Variants in RAB11FIP3 observed in about 807,000 individuals in gnomAD.
RAB11FIP3 encodes the protein rab11 family-interacting protein 3.
Under a neutral mutation model 77.8 loss-of-function variants are expected in RAB11FIP3, and 17 were observed. The observed-to-expected ratio is 0.22, with a 90% confidence interval of 0.15 to 0.33. The LOEUF (loss-of-function observed/expected upper bound fraction) is 0.33. Ranked by LOEUF, RAB11FIP3 falls within the 10% of genes least tolerant of loss-of-function variation. The pLI is 1.00. For missense variants in RAB11FIP3, 1,005 were observed against 1,011.2 expected (o/e 0.99, Z 0.08); for synonymous variants, 437 against 448.2 (o/e 0.98, Z 0.31).
intron 1 of RAB11FIP3, among the ~76,000 whole-genome samples, chr16:457,218 T>C (rs2055518792): frequency 6.6e-6 from 1 of 152,062 alleles, no homozygotes; most frequent in Non-Finnish European, 1.5e-5. Context: ...GGGATCCTAG[T>C]TGACTGTGGT....
chr16:426,001 G>C lies in RAB11FIP3; in HGVS notation c.-6G>C, dbSNP rs1187987547. On this transcript the variant is annotated 5_prime_UTR_variant, in exon 1 of 14. Transcript: ENST00000262305. This position sits in a 1 kb window ranked among gnomAD's most constrained non-coding sequence, Gnocchi z 5.0. ...CGCCCTTCCGCACCACTAGCCTCTC[G>C]GGAGCATGGCGTCGGCCCCGCCGGC... 1 of 985,304 alleles carries C rather than the reference G, an allele frequency of 1.0e-6. No homozygotes were observed. Among genetic ancestry groups the C allele is most frequent in the Admixed American group, 6.2e-5 (1 of 16,128 alleles). The allele number at this position is 985,304 out of a possible 1,614,324, so 61.0% of individuals were successfully genotyped here. A position where few individuals can be genotyped will look rare whatever the true frequency, so the allele number is the denominator to read the frequency against.
chr16:461,128 T>C lies in RAB11FIP3; in HGVS notation c.715-276T>C, dbSNP rs530308209. 1.3e-5 allele frequency among the ~76,000 whole-genome samples: 2 copies of C among 152,314 alleles called. No individual in the cohort carries two copies. Among genetic ancestry groups the C allele is most frequent in the African/African-American group, 4.8e-5 (2 of 41,580 alleles). ...CGTTGGGGTGGTTTCAGGATGATAC[T>C]GTTCAGATCATCCGGCGTTAGAGTC... is the stretch of plus-strand genomic sequence containing the variant. On this transcript the variant is annotated intron_variant, in intron 1 of 13. Transcript: ENST00000262305. The surrounding 1 kb of genome is among the most constrained non-coding windows in gnomAD (Gnocchi z 4.5).
intron 1 of RAB11FIP3, among the ~76,000 whole-genome samples, chr16:437,536 C>T (rs2055150013): frequency 6.9e-6 from 1 of 145,160 alleles, no homozygotes; most frequent in Non-Finnish European, 1.5e-5. Flanking sequence ...TGCCATTGCG[C>T]TCCAGCCTGG....
chr16:515,094 G>A (rs964136398), intron 9 of RAB11FIP3, among the ~76,000 whole-genome samples: 2 of 152,202 alleles, frequency 1.3e-5, no homozygotes, highest in African/African-American at 2.4e-5. Context: ...GATGGACAGC[G>A]AGAGGCTGGG....
chr16:500,697 A>G (rs2031455763), intron 6 of RAB11FIP3, among the ~76,000 whole-genome samples: 1 of 148,764 alleles, frequency 6.7e-6, no homozygotes, highest in Admixed American at 6.7e-5. Context: ...CAAAAAAAAA[A>G]AAAAAAAAAA....
chr16:519,923 T>G (rs377074145), intron 11 of RAB11FIP3, 32 bp downstream of exon 11: 42 of 1,549,850 alleles, frequency 2.7e-5, no homozygotes, highest in Non-Finnish European at 3.4e-5. Context: ...CGCCCAGTCC[T>G]GCGCCCAGCC....
chr16:492,869 A>C (rs2030712925), intron 5 of RAB11FIP3, among the ~76,000 whole-genome samples: 2 of 152,286 alleles, frequency 1.3e-5, no homozygotes, highest in South Asian at 4.1e-4. Context: ...TTGTGGGGGC[A>C]GAGAAGGGAC....
intron 5 of RAB11FIP3, among the ~76,000 whole-genome samples, chr16:495,520 G>A (rs1336870535): frequency 1.3e-5 from 2 of 152,210 alleles, no homozygotes; most frequent in Non-Finnish European, 2.9e-5. Context: ...AGTAGGTACT[G>A]GGGAGACTGC....
intron 2 of RAB11FIP3, among the ~76,000 whole-genome samples, chr16:464,552 G>A (rs893189509): frequency 9.2e-5 from 14 of 152,268 alleles, no homozygotes; most frequent in African/African-American, 1.9e-4. Context: ...CTGATTCACC[G>A]GTTAGCTCTG....
At chr16:468,744 C>T (rs1447447473) in intron 2 of RAB11FIP3, among the ~76,000 whole-genome samples, 5 of 152,144 alleles carry the variant, frequency 3.3e-5, no homozygotes, top group East Asian at 3.8e-4. Context: ...CACACCCTCA[C>T]GCTTTGGAAG....
intron 4 of RAB11FIP3, among the ~76,000 whole-genome samples, chr16:488,463 T>TA (rs2056206192): frequency 6.6e-6 from 1 of 152,090 alleles, no homozygotes; most frequent in South Asian, 2.1e-4. Context: ...GGCTGGAGTG[T>TA]AGTGGCATCA....
chr16:469,925 C>T (rs1319028633), intron 2 of RAB11FIP3, among the ~76,000 whole-genome samples: 1 of 152,154 alleles, frequency 6.6e-6, no homozygotes, highest in Non-Finnish European at 1.5e-5. Context: ...CTCCCTGGCT[C>T]AAGCCTTCAG....
At chr16:470,623 C>A (rs1488821997) in intron 2 of RAB11FIP3, among the ~76,000 whole-genome samples, 1 of 152,196 alleles carries the variant, frequency 6.6e-6, no homozygotes, top group Non-Finnish European at 1.5e-5. Context: ...GTGAATATCA[C>A]TGAGACGCTG....
chr16:452,130 G>T (rs766436441), intron 1 of RAB11FIP3, among the ~76,000 whole-genome samples: 6 of 151,950 alleles, frequency 3.9e-5, no homozygotes, highest in Non-Finnish European at 7.4e-5. Flanking sequence ...CAGCCTGGGC[G>T]ACAAGAGTGA....
intron 1 of RAB11FIP3, among the ~76,000 whole-genome samples, chr16:449,245 T>G (rs2055368119): frequency 6.6e-6 from 1 of 152,132 alleles, no homozygotes; most frequent in African/African-American, 2.4e-5. Context: ...CCTGTATATC[T>G]CCAGCTCAGT....
intron 6 of RAB11FIP3, 145 bp downstream of exon 6, chr16:497,004 T>C (rs2031194933): frequency 3.4e-6 from 3 of 887,124 alleles, no homozygotes; most frequent in Non-Finnish European, 3.3e-6. Context: ...GCTGAAGGTA[T>C]CCTGAAGGAG....
At chr16:470,200 G>C (rs964784817) in intron 2 of RAB11FIP3, among the ~76,000 whole-genome samples, 2 of 151,954 alleles carry the variant, frequency 1.3e-5, no homozygotes, top group African/African-American at 4.8e-5. Context: ...GTTTCACCAT[G>C]TTGGTCAGGC....
At chr16:490,308 G>A (rs913664327) in intron 5 of RAB11FIP3, among the ~76,000 whole-genome samples, 3 of 152,244 alleles carry the variant, frequency 2.0e-5, no homozygotes, top group African/African-American at 7.2e-5. Flanking sequence ...TGGAGGTGAA[G>A]TCACAGGGAG....
rs1201809397 is a variant in RAB11FIP3, at chr16:484,595, C to A, written c.1115+1859C>A. Among the ~76,000 whole-genome samples the A allele has an allele frequency of 3.9e-5, 6 of 152,288 alleles. No individual in the cohort carries two copies. In the East Asian group the frequency reaches 1.2e-3, roughly 29 times the overall value. On this transcript the variant is annotated intron_variant, in intron 4 of 13. Coordinates refer to ENST00000262305, the MANE Select transcript of RAB11FIP3 (RefSeq NM_014700.4). The stretch of plus-strand genomic sequence containing the variant: ...CTCCAACCCCTGGCCTCAGGCGATC[C>A]GCCCGCCTCGGCCTCCCGAAGTGCT...
Sources: gnomAD v4.1 joint callset for allele counts (sites outside exome capture counted in the v4.1 genomes callset) on GRCh38, gnomAD v4.1.1 for gene constraint, Gnocchi (gnomAD v3.1) non-coding constraint, MANE v1.5 for transcripts, NCBI Gene and HGNC (gene_info 2026-07-23, HGNC 2026-07-21) for gene names.